The following SPOCK1 variants were observed in gnomAD, a reference collection of about 807,000 sequenced individuals.
SPOCK1 encodes the protein SPARC (osteonectin), cwcv and kazal like domains proteoglycan 1.
In SPOCK1, 23 loss-of-function variants were observed where a neutral mutation model predicts 55.3. The ratio of observed to expected loss-of-function variants is 0.42; its 90% CI spans 0.30 to 0.59. The LOEUF is 0.59. SPOCK1 is among the 20% of genes least tolerant of loss of function. The pLI is 0.22. For synonymous variants in SPOCK1, 226 were observed against 221.0 expected (o/e 1.02, Z -0.20); for missense variants, 499 against 552.5 (o/e 0.90, Z 0.97).
At chr5:137,175,684 T>C (rs1454171695) in intron 3 of SPOCK1, among the ~76,000 whole-genome samples, 3 of 152,186 alleles carry the variant, frequency 2.0e-5, no homozygotes, top group East Asian at 3.9e-4. Context: ...ATTATAGCTA[T>C]CTCGCTTCTC....
At chr5:137,098,107 T>C (rs1354808713) in intron 5 of SPOCK1, among the ~76,000 whole-genome samples, 3 of 152,226 alleles carry the variant, frequency 2.0e-5, no homozygotes, top group Admixed American at 1.3e-4. Context: ...ATGTGACACA[T>C]ACTGTTCGAT....
intron 3 of SPOCK1, among the ~76,000 whole-genome samples, chr5:137,258,283 T>C (rs1407519509): frequency 6.6e-6 from 1 of 152,246 alleles, no homozygotes; most frequent in African/African-American, 2.4e-5. Context: ...CCAGGGCCTT[T>C]CCACTATACC....
chr5:137,485,325 G>C (rs1754033260), intron 2 of SPOCK1, among the ~76,000 whole-genome samples: 2 of 152,134 alleles, frequency 1.3e-5, no homozygotes, highest in South Asian at 2.1e-4. Context: ...ATTTTCATAA[G>C]GGTAGGCAAA....
chr5:137,072,068 G>A (rs902015205), intron 5 of SPOCK1, among the ~76,000 whole-genome samples: 11 of 152,178 alleles, frequency 7.2e-5, no homozygotes, highest in Non-Finnish European at 1.6e-4. Context: ...ACAGATCTTT[G>A]TGCCAAGATG....
chr5:137,256,280 T>A (rs142909887), intron 3 of SPOCK1, among the ~76,000 whole-genome samples: 31 of 152,308 alleles, frequency 2.0e-4, no homozygotes, highest in African/African-American at 7.5e-4. Flanking sequence ...CAATTCAGGC[T>A]CTTAGGCTTA....
At chr5:137,095,565 G>T (rs1753132217) in intron 5 of SPOCK1, among the ~76,000 whole-genome samples, 1 of 152,142 alleles carries the variant, frequency 6.6e-6, no homozygotes, top group South Asian at 2.1e-4. Flanking sequence ...ATCCCAAGGT[G>T]GCTGTGAGGA....
At chr5:137,270,228 C>T (rs1229185269) in intron 2 of SPOCK1, among the ~76,000 whole-genome samples, 1 of 152,204 alleles carries the variant, frequency 6.6e-6, no homozygotes, top group African/African-American at 2.4e-5. Flanking sequence ...TCAGGCAAGG[C>T]ATATCTATCT....
At chr5:137,397,657 G>C (rs1751882441) in intron 2 of SPOCK1, among the ~76,000 whole-genome samples, 1 of 152,182 alleles carries the variant, frequency 6.6e-6, no homozygotes, top group African/African-American at 2.4e-5. Flanking sequence ...GAGCTCTGAA[G>C]AGAAACTTCC....
intron 2 of SPOCK1, among the ~76,000 whole-genome samples, chr5:137,491,922 G>T (rs1754188386): frequency 6.6e-6 from 1 of 152,126 alleles, no homozygotes. Flanking sequence ...AGTGCTATAG[G>T]AATTGTTGAT....
At chr5:137,466,946 G>A (rs188790604) in intron 2 of SPOCK1, among the ~76,000 whole-genome samples, 220 of 152,326 alleles carry the variant, frequency 1.4e-3, no homozygotes, top group Non-Finnish European at 2.5e-3. Context: ...AAGGTTTCAC[G>A]GGAAGCTTGG....
At chr5:137,275,056 G>A (rs529026960) in intron 2 of SPOCK1, among the ~76,000 whole-genome samples, 1 of 152,304 alleles carries the variant, frequency 6.6e-6, no homozygotes, top group South Asian at 2.1e-4. Context: ...CTCTGAACAG[G>A]CAAAATTTCT....
intron 3 of SPOCK1, among the ~76,000 whole-genome samples, chr5:137,263,519 G>C (rs919146987): frequency 6.6e-6 from 1 of 152,126 alleles, no homozygotes; most frequent in Non-Finnish European, 1.5e-5. Flanking sequence ...GTCCATCCGG[G>C]GGCCTTCATT....
intron 2 of SPOCK1, among the ~76,000 whole-genome samples, chr5:137,381,344 G>A (rs559544991): frequency 1.4e-4 from 22 of 152,262 alleles, no homozygotes; most frequent in South Asian, 1.0e-3. Context: ...TCTGGTAGAC[G>A]GTAGCCCTCT....
chr5:137,076,733 C>A (rs753600494), intron 5 of SPOCK1, among the ~76,000 whole-genome samples: 5 of 151,870 alleles, frequency 3.3e-5, no homozygotes, highest in Non-Finnish European at 4.4e-5. Context: ...AAGTCAGGGA[C>A]CATCTGTGTC....
intron 3 of SPOCK1, among the ~76,000 whole-genome samples, chr5:137,221,460 A>AT (rs1404026944): frequency 2.0e-5 from 3 of 152,174 alleles, no homozygotes; most frequent in Non-Finnish European, 2.9e-5. Context: ...AGCAAATAAA[A>AT]AATTCAACAG....
intron 6 of SPOCK1, among the ~76,000 whole-genome samples, chr5:137,055,894 A>G (rs1752290689): frequency 1.3e-5 from 2 of 152,152 alleles, no homozygotes; most frequent in African/African-American, 4.8e-5. Context: ...GTGCCCCAGA[A>G]TGACCCATGT....
At chr5:137,469,442 GTTTT>G (rs549513708) in intron 2 of SPOCK1, among the ~76,000 whole-genome samples, 1 of 146,990 alleles carries the variant, frequency 6.8e-6, no homozygotes, top group Non-Finnish European at 1.5e-5. Flanking sequence ...TCCCAAAGTT[GTTTT>G]TTTTTTAAGG....
chr5:137,094,620 C>T (rs1753108825), intron 5 of SPOCK1, among the ~76,000 whole-genome samples: 1 of 152,144 alleles, frequency 6.6e-6, no homozygotes, highest in Non-Finnish European at 1.5e-5. Flanking sequence ...AAAGTCATGA[C>T]CTTTTTGCTG....
At chr5:137,161,563 C>T (rs114684088) in intron 3 of SPOCK1, among the ~76,000 whole-genome samples, 8 of 152,126 alleles carry the variant, frequency 5.3e-5, no homozygotes, top group Non-Finnish European at 1.2e-4. Flanking sequence ...TTGTGTCATG[C>T]TTCCCCTGGT....
Sources: allele counts gnomAD v4.1 joint callset (sites outside exome capture counted in the v4.1 genomes callset), GRCh38; gene constraint gnomAD v4.1.1; transcripts MANE v1.5; gene names NCBI Gene and HGNC (gene_info 2026-07-23, HGNC 2026-07-21).